The following NRXN3 variants were observed in gnomAD, a reference collection of about 807,000 sequenced individuals.
The protein encoded by NRXN3 is neurexin III.
A neutral mutation model predicts 137.6 loss-of-function variants in NRXN3; 32 were observed. The observed-to-expected ratio is 0.23, with a 90% CI of 0.18 to 0.31. NRXN3 has a LOEUF of 0.31. Ranked by LOEUF, NRXN3 falls within the 10% of genes least tolerant of loss-of-function variation. The pLI, the probability that NRXN3 is intolerant of heterozygous loss-of-function variation, is 1.00. For synonymous variants in NRXN3, 798 were observed against 784.5 expected (o/e 1.02, Z -0.29); for missense variants, 1,574 against 2,062.5 (o/e 0.76, Z 4.59).
chr14:79,634,015 A>C (rs549891023), intron 16 of NRXN3, among the ~76,000 whole-genome samples: 1 of 139,586 alleles, frequency 7.2e-6, no homozygotes, highest in East Asian at 2.0e-4. Context: ...CCACTTAAAA[A>C]AAAAAATCTT....
intron 3 of NRXN3, among the ~76,000 whole-genome samples, chr14:78,295,412 T>TA (rs1273708500): frequency 3.3e-5 from 5 of 152,216 alleles, no homozygotes; most frequent in Non-Finnish European, 7.3e-5. Flanking sequence ...TGTAGTTTAA[T>TA]AAAACCTGAT....
intron 4 of NRXN3, among the ~76,000 whole-genome samples, chr14:78,397,847 G>A (rs2153650434): frequency 6.6e-6 from 1 of 151,362 alleles, no homozygotes; most frequent in African/African-American, 2.4e-5. Context: ...CAAGTGATCT[G>A]CCTGCCTTGG....
intron 1 of NRXN3, among the ~76,000 whole-genome samples, chr14:78,211,034 T>C (rs1450890084): frequency 2.0e-5 from 3 of 152,176 alleles, no homozygotes; most frequent in African/African-American, 4.8e-5. Flanking sequence ...ACCTACCTTA[T>C]AGTATTCCAG....
chr14:78,715,106 G>T lies in NRXN3; in HGVS notation c.2011G>T (p.Gly671Cys). The T allele has an allele frequency of 6.2e-7, 1 of 1,611,416 alleles. No individual in the cohort carries two copies. The change falls in exon 8 of 21, where the codon GGC (glycine) becomes TGC (cysteine). Residue 671 changes from glycine to cysteine, a missense_variant. Coordinates refer to ENST00000335750, the MANE Select transcript of NRXN3 (RefSeq NM_001330195.2). ...GWNRFICDCTGTGYWGRTCER... is the reference protein window; with the variant it reads ...GWNRFICDCTCTGYWGRTCER... ...GAACCGCTTCATCTGCGACTGCACC[G>T]GCACCGGATACTGGGGAAGAACCTG...
intron 19 of NRXN3, among the ~76,000 whole-genome samples, chr14:79,770,218 G>A (rs2099072477): frequency 6.6e-6 from 1 of 152,082 alleles, no homozygotes; most frequent in Non-Finnish European, 1.5e-5. Flanking sequence ...AGATCAATGA[G>A]ACAGAAAGTC....
intron 19 of NRXN3, among the ~76,000 whole-genome samples, chr14:79,796,956 G>T (rs1002638916): frequency 3.3e-5 from 5 of 152,108 alleles, no homozygotes; most frequent in African/African-American, 1.2e-4. Flanking sequence ...AGTGTTTTCT[G>T]GTTTGACTTG....
intron 4 of NRXN3, among the ~76,000 whole-genome samples, chr14:78,644,892 GT>G (rs1382239024): frequency 1.3e-5 from 2 of 152,184 alleles, no homozygotes; most frequent in Non-Finnish European, 2.9e-5. Flanking sequence ...GCACCATCTT[GT>G]TTTGTCTTCT....
intron 4 of NRXN3, among the ~76,000 whole-genome samples, chr14:78,394,798 G>C (rs2153646189): frequency 6.6e-6 from 1 of 151,894 alleles, no homozygotes; most frequent in East Asian, 1.9e-4. Flanking sequence ...GGGGTAGACA[G>C]TGTTTTTTTG....
intron 6 of NRXN3, among the ~76,000 whole-genome samples, chr14:78,664,202 C>A (rs1037491017): frequency 6.6e-6 from 1 of 152,164 alleles, no homozygotes; most frequent in Non-Finnish European, 1.5e-5. Context: ...TGTTCTATCT[C>A]ATACTTTGTA....
intron 15 of NRXN3, among the ~76,000 whole-genome samples, chr14:79,340,177 G>A (rs962169107): frequency 6.6e-5 from 10 of 151,786 alleles, no homozygotes; most frequent in African/African-American, 2.4e-4. Flanking sequence ...GTGTGTGTGT[G>A]TGTGTGTGTG....
At chr14:78,821,305 T>G (rs1176905194) in intron 10 of NRXN3, among the ~76,000 whole-genome samples, 1 of 152,112 alleles carries the variant, frequency 6.6e-6, no homozygotes, top group Non-Finnish European at 1.5e-5. Context: ...AGAGGGCTGC[T>G]CCTCTGTTCC....
intron 19 of NRXN3, among the ~76,000 whole-genome samples, chr14:79,772,148 C>T (rs1215983563): frequency 2.6e-5 from 4 of 151,794 alleles, no homozygotes; most frequent in East Asian, 1.9e-4. Flanking sequence ...AATGGAAGAA[C>T]ATTCCATGCT....
chr14:79,578,702 A>T (rs922724568), intron 16 of NRXN3, among the ~76,000 whole-genome samples: 4 of 152,162 alleles, frequency 2.6e-5, no homozygotes, highest in Non-Finnish European at 5.9e-5. Flanking sequence ...GTTCTTCCAC[A>T]CAGGTCTCAC....
rs188859337 is a variant in NRXN3 at position 79,356,980 on chromosome 14, G to C, written c.3263-110241G>C. 2.7e-3 allele frequency among the ~76,000 whole-genome samples: 404 copies of C among 152,198 alleles called. 4 individuals carry two copies. Among genetic ancestry groups the C allele is most frequent in the Non-Finnish European group, 1.6e-3 (107 of 68,018 alleles). On this transcript the variant is annotated intron_variant, in intron 15 of 20. Coordinates refer to ENST00000335750, the MANE Select transcript of NRXN3 (RefSeq NM_001330195.2). ...TCACCTCAAGTGATCTGCCCACCTC[G>C]TCCTCCCAAAGTGCTGGGATTAGAG...
rs867002218 is a variant in NRXN3, at chr14:78,926,996, A to G, written c.2276-30246A>G. Among the ~76,000 whole-genome samples, 21 of 95,870 alleles carry G rather than the reference A, an allele frequency of 2.2e-4. 1 individual carries two copies. Among genetic ancestry groups the G allele is most frequent in the Non-Finnish European group, 3.6e-4 (18 of 50,310 alleles). The allele number at this position is 95,870 out of a possible 152,430, so 62.9% of individuals were successfully genotyped here. A position where few individuals can be genotyped will look rare whatever the true frequency, so the allele number is the denominator to read the frequency against. ...ATATAATATATTTTTATATATATAT[A>G]TAATATATATATGCCAAATGTGGTG... On this transcript the variant is annotated intron_variant, in intron 10 of 20. Transcript: ENST00000335750.
At chr14:79,622,482 G>C (rs2098234862) in intron 16 of NRXN3, among the ~76,000 whole-genome samples, 1 of 152,038 alleles carries the variant, frequency 6.6e-6, no homozygotes, top group Non-Finnish European at 1.5e-5. Context: ...TGTATGACAG[G>C]GTCAATGAAA....
At chr14:78,260,670 G>C (rs980593113) in intron 2 of NRXN3, among the ~76,000 whole-genome samples, 1 of 152,112 alleles carries the variant, frequency 6.6e-6, no homozygotes, top group African/African-American at 2.4e-5. Flanking sequence ...TTTTAAAAAC[G>C]GGAGTTTCCC....
chr14:79,753,283 C>A (rs1020022401), intron 19 of NRXN3, among the ~76,000 whole-genome samples: 4 of 151,570 alleles, frequency 2.6e-5, no homozygotes, highest in Non-Finnish European at 5.9e-5. Flanking sequence ...ATGTTTATTG[C>A]GGCACTATTC....
chr14:79,712,868 C>G (rs987168475), intron 19 of NRXN3, among the ~76,000 whole-genome samples: 4 of 152,146 alleles, frequency 2.6e-5, no homozygotes, highest in African/African-American at 9.7e-5. Flanking sequence ...GGGCCCTGCT[C>G]CTGTATTAAA....
Sources: gnomAD v4.1 joint callset for allele counts (sites outside exome capture counted in the v4.1 genomes callset) on GRCh38, gnomAD v4.1.1 for gene constraint, MANE v1.5 for transcripts, NCBI Gene and HGNC (gene_info 2026-07-23, HGNC 2026-07-21) for gene names.